The following DCN variants were observed in gnomAD, a reference collection of about 807,000 sequenced individuals.
DCN encodes bone proteoglycan II.
In DCN, 17 loss-of-function variants were observed where a neutral mutation model predicts 36.5. The ratio of observed to expected loss-of-function variants is 0.47; its 90% CI spans 0.32 to 0.70. The LOEUF (loss-of-function observed/expected upper bound fraction) is 0.70. Ranked by LOEUF, DCN falls within the 30% of genes least tolerant of loss-of-function variation. The pLI, the probability that DCN is intolerant of heterozygous loss-of-function variation, is 0.04. For synonymous variants in DCN, 163 were observed against 161.4 expected (o/e 1.01, Z -0.07); for missense variants, 389 against 430.1 (o/e 0.90, Z 0.84).
intron 2 of DCN, chr12:91,172,879 A>C: frequency 1.6e-6 from 1 of 619,942 alleles, no homozygotes; most frequent in Non-Finnish European, 2.9e-6. Flanking sequence ...CTAGTGAAAA[A>C]AAATAAAATA....
intron 2 of DCN, among the ~76,000 whole-genome samples, chr12:91,174,794 A>G (rs1883188812): frequency 6.6e-6 from 1 of 152,162 alleles, no homozygotes; most frequent in African/African-American, 2.4e-5. Flanking sequence ...TTTGTTTATA[A>G]GAAATACATC....
rs1226642766 is a variant in DCN, at chr12:91,151,696, A to T, written c.843T>A (p.Leu281=). The T allele has an allele frequency of 6.2e-7, 1 of 1,613,968 alleles. No individual in the cohort carries two copies. Among genetic ancestry groups the T allele is most frequent in the East Asian group, 2.2e-5 (1 of 44,892 alleles). ...CTGCCAGCCCACCAGGTACTCTGGT[A>T]AGCTTGTTGTTGTCCAAGTGAAGCT... The part of the protein sequence containing the change: ...LRELHLDNNK[L]TRVPGGLAEH... Residue 281 remains leucine, a synonymous_variant, in exon 7 of 8, where the codon CTT becomes CTA. Transcript: ENST00000052754.
rs1880804991 is a variant in DCN at position 91,143,107 on chromosome 12, G to A, written c.*2951C>T. On this transcript the variant is annotated 3_prime_UTR_variant, in exon 8 of 8. Transcript: ENST00000052754. Reference sequence around the variant, plus strand: ...AAGGCCATGTGAGGGTGAAGATGGAGGCATAAATTAGAGTCACGCTGCCAT... The same window carrying A: ...AAGGCCATGTGAGGGTGAAGATGGAAGCATAAATTAGAGTCACGCTGCCAT... 1 of 152,138 alleles carries A rather than the reference G, an allele frequency of 6.6e-6. No homozygotes were observed. Among genetic ancestry groups the A allele is most frequent in the South Asian group, 2.1e-4 (1 of 4,824 alleles). 9.4% of individuals were successfully genotyped at this position (152,138 alleles called of 1,614,324 possible).
intron 2 of DCN, among the ~76,000 whole-genome samples, chr12:91,166,530 A>C (rs1220617522): frequency 6.6e-6 from 1 of 152,162 alleles, no homozygotes; most frequent in Non-Finnish European, 1.5e-5. Context: ...ACATTTTATC[A>C]TTCCTTCTTG....
chr12:91,172,570 G>C (rs1883037366), intron 2 of DCN: 2 of 451,686 alleles, frequency 4.4e-6, no homozygotes, highest in East Asian at 4.1e-5. Flanking sequence ...TCTCTTTCCA[G>C]TCAAACTCAA....
Position 91,143,869 on chromosome 12 carries a change from GAT to G in DCN, c.*2187_*2188del, listed in dbSNP as rs1204303543. 1 of 148,628 alleles carries G rather than the reference GAT, an allele frequency of 6.7e-6. No individual in the cohort carries two copies. Among genetic ancestry groups the G allele is most frequent in the African/African-American group, 2.5e-5 (1 of 40,684 alleles). The allele number at this position is 148,628 out of a possible 1,614,324, so 9.2% of individuals were successfully genotyped here. ...ATATATATGTGTGTATATATATAAA[GAT>G]ATATATGTGTGTGTATATATATAAA... On this transcript the variant is annotated 3_prime_UTR_variant, in exon 8 of 8. Transcript: ENST00000052754.
At chr12:91,149,528 C>T (rs1245248364) in intron 7 of DCN, among the ~76,000 whole-genome samples, 3 of 152,150 alleles carry the variant, frequency 2.0e-5, no homozygotes, top group African/African-American at 7.2e-5. Context: ...TCCTCCTAAA[C>T]TAGCAAATAA....
In DCN at chr12:91,145,366, T is replaced by G. The variant is rs1047562303; in HGVS notation, c.*692A>C. 3 of 153,766 alleles carry G rather than the reference T, an allele frequency of 2.0e-5. No homozygotes were observed. Among genetic ancestry groups the G allele is most frequent in the African/African-American group, 4.8e-5 (2 of 41,444 alleles). 9.5% of individuals were successfully genotyped at this position (153,766 alleles called of 1,614,324 possible). Reference sequence around the variant, plus strand: ...GTGCTTTATAAGCTTACATTCAACATAGATGACATAAGTTACCATACTCAA... The same window carrying G: ...GTGCTTTATAAGCTTACATTCAACAGAGATGACATAAGTTACCATACTCAA... On this transcript the variant is annotated 3_prime_UTR_variant, in exon 8 of 8. Coordinates refer to ENST00000052754, the MANE Select transcript of DCN (RefSeq NM_001920.5).
chr12:91,165,815 A>G (rs1882530771), intron 2 of DCN, among the ~76,000 whole-genome samples: 1 of 152,168 alleles, frequency 6.6e-6, no homozygotes, highest in African/African-American at 2.4e-5. Context: ...TAAATTCAAC[A>G]AGCCTTTATT....
At chr12:91,152,201 T>C (rs1881476336) in intron 6 of DCN, among the ~76,000 whole-genome samples, 2 of 152,144 alleles carry the variant, frequency 1.3e-5, no homozygotes, top group African/African-American at 4.8e-5. Context: ...GATATTATGC[T>C]AGGCATTGTG....
intron 7 of DCN, among the ~76,000 whole-genome samples, chr12:91,148,030 A>T (rs1195263810): frequency 1.4e-4 from 21 of 152,154 alleles, no homozygotes; most frequent in African/African-American, 4.6e-4. Context: ...CTTCTCTGAA[A>T]TCATACAAGC....
chr12:91,165,224 G>T (rs1158273541), intron 2 of DCN, among the ~76,000 whole-genome samples: 1 of 152,104 alleles, frequency 6.6e-6, no homozygotes. Context: ...CTTGTGGCAG[G>T]ATCTTGAAAA....
At position 91,145,995 on chromosome 12, in the gene DCN, A is replaced by AT. The variant is rs1411481164; in HGVS notation, c.*62dup. The AT allele has an allele frequency of 2.9e-6, 4 of 1,366,116 alleles. No individual in the cohort carries two copies. The African/African-American group carries it at 4.3e-5, about 15-fold the overall frequency. The allele number at this position is 1,366,116 out of a possible 1,614,324, so 84.6% of individuals were successfully genotyped here. ...GGTTTCCAGTATCTAGCTTTTATTT[A>AT]TTTTTTAGCAATGACATTAACAAGA... is the stretch of plus-strand genomic sequence containing the variant. On this transcript the variant is annotated 3_prime_UTR_variant, in exon 8 of 8. Transcript: ENST00000052754.
intron 2 of DCN, among the ~76,000 whole-genome samples, chr12:91,167,942 C>T (rs562355685): frequency 5.3e-5 from 8 of 152,228 alleles, no homozygotes; most frequent in South Asian, 2.1e-4. Context: ...CCGATTCAAG[C>T]GATTCTCCTG....
intron 7 of DCN, among the ~76,000 whole-genome samples, chr12:91,148,769 C>T (rs1162388538): frequency 6.9e-6 from 1 of 145,618 alleles, no homozygotes; most frequent in Non-Finnish European, 1.5e-5. Flanking sequence ...TTGTTCTACC[C>T]ACTAGGACAT....
chr12:91,178,290 T>C lies in DCN; in HGVS notation c.211+52A>G, dbSNP rs924307214. The C allele has an allele frequency of 2.7e-5, 40 of 1,507,226 alleles. No homozygotes were observed. In the South Asian group the frequency reaches 4.3e-4, roughly 16 times the overall value. The allele number at this position is 1,507,226 out of a possible 1,614,324, so 93.4% of individuals were successfully genotyped here. ...AATGCTAAACTCTCAGAGTTGCCAT[T>C]CCCAAGAATAAAACAAGTAAGGTAG... is the stretch of plus-strand genomic sequence containing the variant. On this transcript the variant is annotated intron_variant, in intron 2 of 7. Coordinates refer to ENST00000052754, the MANE Select transcript of DCN (RefSeq NM_001920.5).
At position 91,158,477 on chromosome 12, in the gene DCN, T is replaced by C; in HGVS notation, c.357A>G (p.Lys119=). The change falls in exon 4 of 8, where the codon AAA becomes AAG. Residue 119 remains lysine, a synonymous_variant. Coordinates refer to ENST00000052754, the MANE Select transcript of DCN (RefSeq NM_001920.5). ...ALILVNNKIS[K]VSPGAFTPLV... is the part of the protein sequence containing the mutation. ...AAGGTGTAAATGCTCCAGGACTAACTTTGCTAATTTTATTGTTGACAAGAA... is the reference window on the plus strand; with the variant it reads ...AAGGTGTAAATGCTCCAGGACTAACCTTGCTAATTTTATTGTTGACAAGAA... 1.2e-6 allele frequency: 2 copies of C among 1,601,324 alleles called. No individual in the cohort carries two copies. The highest frequency in any genetic ancestry group is 8.6e-7 in the Non-Finnish European group (1 of 1,168,312).
chr12:91,177,581 T>A, intron 2 of DCN: 1 of 702,440 alleles, frequency 1.4e-6, no homozygotes, highest in Non-Finnish European at 2.6e-6. Context: ...TCTGGAGATT[T>A]ATCTTCTAAG....
intron 6 of DCN, among the ~76,000 whole-genome samples, chr12:91,152,029 G>T (rs1592681633): frequency 6.6e-6 from 1 of 152,106 alleles, no homozygotes; most frequent in African/African-American, 2.4e-5. Context: ...ATTGGACATA[G>T]TCTCCTATTC....
Sources: allele counts gnomAD v4.1 joint callset (sites outside exome capture counted in the v4.1 genomes callset), GRCh38; gene constraint gnomAD v4.1.1; transcripts MANE v1.5; gene names NCBI Gene and HGNC (gene_info 2026-07-23, HGNC 2026-07-21).